The following TMEM267 variants were observed in gnomAD, a reference collection of about 807,000 sequenced individuals.
TMEM267 encodes transmembrane protein 267, also known as transmembrane protein C5orf28.
TMEM267 carries 20 observed loss-of-function variants against 19.3 expected under a neutral mutation model. The observed-to-expected ratio is 1.04, with a 90% CI of 0.73 to 1.51. The LOEUF (loss-of-function observed/expected upper bound fraction) is 1.51, where lower values mean the gene tolerates loss of function less well. Ranked by LOEUF, TMEM267 falls within the 40% of genes most tolerant of loss-of-function variation. The pLI, the probability that TMEM267 is intolerant of heterozygous loss-of-function variation, is 0.00. For missense variants in TMEM267, 242 were observed against 261.9 expected (o/e 0.92, Z 0.52); for synonymous variants, 88 against 90.3 (o/e 0.97, Z 0.15).
intron 1 of TMEM267, among the ~76,000 whole-genome samples, chr5:43,460,345 C>T (rs771571142): frequency 1.3e-5 from 2 of 152,128 alleles, no homozygotes; most frequent in Non-Finnish European, 2.9e-5. Flanking sequence ...CAAATGTTCA[C>T]GGAACCCCCA....
intron 1 of TMEM267, among the ~76,000 whole-genome samples, chr5:43,458,696 G>A (rs745841252): frequency 6.6e-6 from 1 of 152,092 alleles, no homozygotes; most frequent in African/African-American, 2.4e-5. Context: ...CAACAAAGAT[G>A]TTAAAAAGTT....
intron 2 of TMEM267, among the ~76,000 whole-genome samples, chr5:43,448,185 G>A (rs542887045): frequency 1.8e-4 from 27 of 152,028 alleles, no homozygotes; most frequent in Admixed American, 1.2e-3. Flanking sequence ...TCTCACCTAC[G>A]GTCTGAACAT....
Position 43,449,988 on chromosome 5 carries a change from T to G in TMEM267, c.313-3431A>C, listed in dbSNP as rs190935509. 5.2e-3 allele frequency among the ~76,000 whole-genome samples: 751 copies of G among 145,684 alleles called. 9 individuals carry two copies. Among genetic ancestry groups the G allele is most frequent in the African/African-American group, 0.018 (712 of 39,726 alleles). ...TGATGTCTAAAATATCAATGTAGCG[T>G]TTTTTTTTTTGTTTTTTTTTTGACA... is the stretch of plus-strand genomic sequence containing the variant. On this transcript the variant is annotated intron_variant, in intron 2 of 2. Coordinates refer to ENST00000397080, the MANE Select transcript of TMEM267 (RefSeq NM_022483.5).
chr5:43,446,288 G>T lies in TMEM267; in HGVS notation c.582C>A (p.Phe194Leu). 2 of 1,613,614 alleles carry T rather than the reference G, an allele frequency of 1.2e-6. No homozygotes were observed. The highest frequency in any genetic ancestry group is 1.7e-6 in the Non-Finnish European group (2 of 1,179,588). Residue 194 changes from phenylalanine to leucine, a missense_variant, in exon 3 of 3, where the codon TTC becomes TTA. Coordinates refer to ENST00000397080, the MANE Select transcript of TMEM267 (RefSeq NM_022483.5). ...ITSSLPHICSFVMYLTGTRQM... is the reference protein window; with the variant it reads ...ITSSLPHICSLVMYLTGTRQM... ...GTCTGGTTCCTGTTAAATACATAACGAATGAACAGATGTGAGGTAAAGATG... is the reference window on the plus strand; with the variant it reads ...GTCTGGTTCCTGTTAAATACATAACTAATGAACAGATGTGAGGTAAAGATG...
intron 2 of TMEM267, among the ~76,000 whole-genome samples, chr5:43,450,819 TG>T (rs1325599290): frequency 1.3e-5 from 2 of 152,068 alleles, no homozygotes; most frequent in Non-Finnish European, 2.9e-5. Context: ...TAACATTTAT[TG>T]TTTTTTTTGT....
intron 2 of TMEM267, among the ~76,000 whole-genome samples, chr5:43,449,471 G>A (rs180875503): frequency 2.0e-5 from 3 of 152,084 alleles, no homozygotes; most frequent in East Asian, 1.9e-4. Context: ...CCAAGAAAAC[G>A]AAAAATAAAA....
chr5:43,466,756 C>A lies in TMEM267; in HGVS notation c.-74-12713G>T, dbSNP rs1743706478. ...CTACAAACCTCATAATAACCTCAAA[C>A]CAAAAAACATGCAATGAATACACAA... On this transcript the variant is annotated intron_variant, in intron 1 of 2. Transcript: ENST00000397080. Among the ~76,000 whole-genome samples the A allele has an allele frequency of 5.3e-5, 8 of 151,592 alleles. 1 individual carries two copies. In the South Asian group the frequency reaches 1.7e-3, roughly 32 times the overall value.
chr5:43,446,674 T>C (rs1284320816), intron 2 of TMEM267, 117 bp from the exon 3 acceptor site: 1 of 593,028 alleles, frequency 1.7e-6, no homozygotes, highest in Non-Finnish European at 2.9e-6. Flanking sequence ...AAAAGAAACA[T>C]GTTCTATGCC....
chr5:43,472,190 G>A (rs542462185), intron 1 of TMEM267, among the ~76,000 whole-genome samples: 3 of 152,236 alleles, frequency 2.0e-5, no homozygotes, highest in South Asian at 2.1e-4. Flanking sequence ...ATATGTAAAG[G>A]TGCTCAGTAT....
Position 43,469,577 on chromosome 5 carries a change from C to G in TMEM267, c.-75+14245G>C, listed in dbSNP as rs1333945014. Among the ~76,000 whole-genome samples, 3 of 152,170 alleles carry G rather than the reference C, an allele frequency of 2.0e-5. No homozygotes were observed. The East Asian group carries it at 5.8e-4, about 29-fold the overall frequency. ...ATTCAACATTTATTTGTTTTAAAAA[C>G]CCTAAAAATAACTGGGTATGGAAGA... On this transcript the variant is annotated intron_variant, in intron 1 of 2. Coordinates refer to ENST00000397080, the MANE Select transcript of TMEM267 (RefSeq NM_022483.5).
intron 1 of TMEM267, among the ~76,000 whole-genome samples, chr5:43,471,580 G>C (rs1744076399): frequency 6.6e-6 from 1 of 151,954 alleles, no homozygotes; most frequent in African/African-American, 2.4e-5. Context: ...GCATGGTTCT[G>C]ACATAAAAAC....
intron 1 of TMEM267, among the ~76,000 whole-genome samples, chr5:43,466,096 G>T (rs776333453): frequency 6.9e-4 from 105 of 151,898 alleles, no homozygotes; most frequent in Admixed American, 6.6e-4. Flanking sequence ...TTATTGAATG[G>T]GATAACAGAG....
At chr5:43,475,664 A>T (rs1744372363) in intron 1 of TMEM267, among the ~76,000 whole-genome samples, 1 of 152,210 alleles carries the variant, frequency 6.6e-6, no homozygotes, top group African/African-American at 2.4e-5. Flanking sequence ...AAAGATAATT[A>T]CATTAGTTTG....
intron 1 of TMEM267, among the ~76,000 whole-genome samples, chr5:43,466,366 GA>G (rs915404118): frequency 5.9e-5 from 9 of 151,948 alleles, no homozygotes; most frequent in South Asian, 2.1e-4. Context: ...AGTGCTGAAG[GA>G]AAAAAAACTT....
rs557147213 is a variant in TMEM267, at chr5:43,468,599, T to C, written c.-74-14556A>G. Reference sequence around the variant, plus strand: ...CTGTGCCCTGACCACCTTGGGCACATGTCATCAGGACTTCCTGAGGCTGTG... The same window carrying C: ...CTGTGCCCTGACCACCTTGGGCACACGTCATCAGGACTTCCTGAGGCTGTG... On this transcript the variant is annotated intron_variant, in intron 1 of 2. Transcript: ENST00000397080. Among the ~76,000 whole-genome samples the C allele has an allele frequency of 3.3e-5, 5 of 152,318 alleles. No individual in the cohort carries two copies. The South Asian group carries it at 1.0e-3, about 32-fold the overall frequency.
At chr5:43,463,741 A>G (rs1743428362) in intron 1 of TMEM267, among the ~76,000 whole-genome samples, 1 of 152,242 alleles carries the variant, frequency 6.6e-6, no homozygotes. Context: ...AAGGCCTTTG[A>G]CAAAATTCAA....
At chr5:43,469,302 C>A (rs1743926104) in intron 1 of TMEM267, among the ~76,000 whole-genome samples, 1 of 151,740 alleles carries the variant, frequency 6.6e-6, no homozygotes. Flanking sequence ...AACAAAGACA[C>A]ACAAAAAAAG....
chr5:43,466,620 G>A (rs796302020), intron 1 of TMEM267, among the ~76,000 whole-genome samples: 3 of 151,980 alleles, frequency 2.0e-5, no homozygotes, highest in East Asian at 1.9e-4. Context: ...AAAAGTAGGC[G>A]GGGGGGATGA....
At chr5:43,474,640 T>C (rs906347927) in intron 1 of TMEM267, among the ~76,000 whole-genome samples, 1 of 151,216 alleles carries the variant, frequency 6.6e-6, no homozygotes, top group Non-Finnish European at 1.5e-5. Context: ...ATGCTTGTAA[T>C]CCCGGCTACT....
Sources: gnomAD v4.1 joint callset for allele counts (sites outside exome capture counted in the v4.1 genomes callset) on GRCh38, gnomAD v4.1.1 for gene constraint, MANE v1.5 for transcripts, NCBI Gene and HGNC (gene_info 2026-07-23, HGNC 2026-07-21) for gene names.